The following LIFR variants were observed in gnomAD, a reference collection of about 807,000 sequenced individuals.
LIFR encodes LIF receptor subunit alpha.
A neutral mutation model predicts 122.2 loss-of-function variants in LIFR; 84 were observed. The observed-to-expected ratio is 0.69, with a 90% CI of 0.58 to 0.82. LIFR has a LOEUF of 0.82. Ranked by LOEUF, LIFR falls within the 40% of genes least tolerant of loss-of-function variation. The pLI is 0.00. For synonymous variants in LIFR, 422 were observed against 434.7 expected (o/e 0.97, Z 0.36); for missense variants, 1,294 against 1,311.6 (o/e 0.99, Z 0.21).
At chr5:38,508,966 A>G (rs1745647465) in intron 7 of LIFR, among the ~76,000 whole-genome samples, 1 of 152,156 alleles carries the variant, frequency 6.6e-6, no homozygotes, top group Admixed American at 6.5e-5. Context: ...CCTGATACCT[A>G]ACTCACGAAA....
intron 11 of LIFR, among the ~76,000 whole-genome samples, chr5:38,502,017 A>C (rs1000103470): frequency 4.0e-5 from 6 of 151,722 alleles, no homozygotes; most frequent in Non-Finnish European, 8.8e-5. Context: ...ATGAGTTAAA[A>C]GCATAATTAA....
chr5:38,503,248 A>C (rs1339134318), intron 10 of LIFR, among the ~76,000 whole-genome samples: 1 of 152,194 alleles, frequency 6.6e-6, no homozygotes, highest in Non-Finnish European at 1.5e-5. Flanking sequence ...CCTTTTGTGC[A>C]TCTTTGTTAA....
chr5:38,480,962 AC>A lies in LIFR; in HGVS notation c.*632del. On this transcript the variant is annotated 3_prime_UTR_variant, in exon 20 of 20. Transcript: ENST00000453190. ...TGTCACACTTGTTTTCAAAGTTTGT[AC>A]CCCTGAGACAACTGTTTGATAACCA... 1 of 221,408 alleles carries A rather than the reference AC, an allele frequency of 4.5e-6. No homozygotes were observed. Among genetic ancestry groups the A allele is most frequent in the East Asian group, 6.7e-5 (1 of 14,992 alleles). The allele number at this position is 221,408 out of a possible 1,614,324, so 13.7% of individuals were successfully genotyped here.
intron 19 of LIFR, 139 bp from the exon 20 acceptor site, chr5:38,482,357 C>T: frequency 2.6e-6 from 2 of 779,220 alleles, no homozygotes; most frequent in South Asian, 2.1e-5. Flanking sequence ...CACAACAGCA[C>T]AGCCACTTTT....
At chr5:38,495,143 T>A (rs2112424581) in intron 13 of LIFR, among the ~76,000 whole-genome samples, 1 of 152,280 alleles carries the variant, frequency 6.6e-6, no homozygotes, top group East Asian at 1.9e-4. Flanking sequence ...GAGGATTTGT[T>A]CTGGGGTTTC....
At position 38,489,229 on chromosome 5, in the gene LIFR, T is replaced by C; in HGVS notation, c.2184A>G (p.Pro728=). The change falls in exon 16 of 20, where the codon CCA becomes CCG. Residue 728 remains proline, a synonymous_variant. Transcript: ENST00000453190. The part of the protein sequence containing the change: ...YIEELAPIVA[P]NFTVEDTSAD... ...CAGAAGTATCCTCAACAGTAAAATT[T>C]GGTGCAACAATGGGAGCTGTAAAAG... is the stretch of plus-strand genomic sequence containing the variant. The C allele has an allele frequency of 6.2e-7, 1 of 1,612,914 alleles. No homozygotes were observed.
At chr5:38,500,226 C>T (rs1488027936) in intron 11 of LIFR, among the ~76,000 whole-genome samples, 1 of 152,064 alleles carries the variant, frequency 6.6e-6, no homozygotes, top group East Asian at 1.9e-4. Flanking sequence ...TATTTCTAGT[C>T]CTGGATCCTA....
chr5:38,583,585 A>G (rs1367121237), intron 1 of LIFR, among the ~76,000 whole-genome samples: 1 of 152,262 alleles, frequency 6.6e-6, no homozygotes, highest in African/African-American at 2.4e-5. Flanking sequence ...AAATTTATAA[A>G]GAACATTTAT....
chr5:38,490,291 T>C lies in LIFR; in HGVS notation c.2066A>G (p.Asp689Gly), dbSNP rs369344580. The change falls in exon 15 of 20, where the codon GAT (aspartate) becomes GGT (glycine). Residue 689 changes from aspartate (D) to glycine (G), a missense_variant and splice_region_variant. By Grantham distance (94) the Asp-to-Gly change is moderately conservative. Transcript: ENST00000453190. ...SNSTETVIES[D>G]EFRPGIRYNF... ...ATATCTTATACCTGGTCGAAACTCA[T>C]CTATAGGATGAACATATCAGCAAAC... The C allele has an allele frequency of 7.3e-7, 1 of 1,375,886 alleles. No homozygotes were observed. The highest frequency in any genetic ancestry group is 1.0e-6 in the Non-Finnish European group (1 of 967,650). The allele number at this position is 1,375,886 out of a possible 1,614,324, so 85.2% of individuals were successfully genotyped here.
chr5:38,508,564 G>A (rs1053505570), intron 7 of LIFR, among the ~76,000 whole-genome samples: 2 of 151,544 alleles, frequency 1.3e-5, no homozygotes, highest in East Asian at 2.0e-4. Flanking sequence ...CTAACAAGCC[G>A]ATTATAAATT....
At chr5:38,546,983 A>T (rs1747928301) in intron 1 of LIFR, among the ~76,000 whole-genome samples, 1 of 152,206 alleles carries the variant, frequency 6.6e-6, no homozygotes, top group African/African-American at 2.4e-5. Context: ...ATGTCAACAC[A>T]GCTTGGTTGC....
chr5:38,553,476 G>A (rs901863499), intron 1 of LIFR, among the ~76,000 whole-genome samples: 2 of 151,206 alleles, frequency 1.3e-5, no homozygotes, highest in African/African-American at 2.4e-5. Flanking sequence ...TTAGTCCCTA[G>A]AAAGTTGTCT....
intron 1 of LIFR, among the ~76,000 whole-genome samples, chr5:38,593,680 T>C (rs766952470): frequency 6.6e-6 from 1 of 152,178 alleles, no homozygotes; most frequent in African/African-American, 2.4e-5. Flanking sequence ...TAACCCTTAA[T>C]GTGATGGCAT....
Position 38,481,343 on chromosome 5 carries a change from G to A in LIFR, c.*252C>T, listed in dbSNP as rs1207109793. 5 of 552,886 alleles carry A rather than the reference G, an allele frequency of 9.0e-6. No homozygotes were observed. Among genetic ancestry groups the A allele is most frequent in the Non-Finnish European group, 1.3e-5 (4 of 308,236 alleles). 34.2% of individuals were successfully genotyped at this position (552,886 alleles called of 1,614,324 possible). ...AATGCTTCTTGAAGGTAGAGTACATGAGAATTCTTTGGCTTGATCACAAAG... is the reference window on the plus strand; with the variant it reads ...AATGCTTCTTGAAGGTAGAGTACATAAGAATTCTTTGGCTTGATCACAAAG... On this transcript the variant is annotated 3_prime_UTR_variant, in exon 20 of 20. Transcript: ENST00000453190.
chr5:38,602,796 A>G (rs1284165678), intron 2 of LIFR, among the ~76,000 whole-genome samples: 1 of 152,154 alleles, frequency 6.6e-6, no homozygotes, highest in East Asian at 1.9e-4. Context: ...TGATGGTTCG[A>G]CAATTATCAC....
At position 38,582,559 on chromosome 5, in the gene LIFR, C is replaced by T. The variant is rs114719798; in HGVS notation, c.-20+12702G>A. 5.4e-3 allele frequency among the ~76,000 whole-genome samples: 827 copies of T among 152,226 alleles called. 4 individuals are homozygous for T. The highest frequency in any genetic ancestry group is 0.018 in the African/African-American group (737 of 41,544). ...AATATTCAAATTAAAATAAATTATGCACATATAGTGTTTGTTAAAACTTTG... is the reference window on the plus strand; with the variant it reads ...AATATTCAAATTAAAATAAATTATGTACATATAGTGTTTGTTAAAACTTTG... On this transcript the variant is annotated intron_variant, in intron 1 of 19. Coordinates refer to the LIFR transcript ENST00000263409.
intron 5 of LIFR, among the ~76,000 whole-genome samples, chr5:38,518,848 C>T (rs1052967950): frequency 6.6e-6 from 1 of 152,154 alleles, no homozygotes. Flanking sequence ...GCCCCGAAGA[C>T]CTTCCAGTGG....
rs374242746 is a variant in LIFR at position 38,530,553 on chromosome 5, G to A, written c.95C>T (p.Thr32Ile). Residue 32 changes from threonine (T) to isoleucine (I), a missense_variant, in exon 2 of 20, where the codon ACA (threonine) becomes ATA (isoleucine). By Grantham distance (89) the Thr-to-Ile change is moderately conservative. Coordinates refer to ENST00000453190, the MANE Select transcript of LIFR (RefSeq NM_001127671.2). ...TASNFQWLLS[T>I]FILLYLMNQV... Reference sequence around the variant, plus strand: ...ATTCATTAGATATAGAAGAATAAATGTTGATAACAGCCACTGGAAATTTGA... The same window carrying A: ...ATTCATTAGATATAGAAGAATAAATATTGATAACAGCCACTGGAAATTTGA... 6.2e-7 allele frequency: 1 copy of A among 1,612,912 alleles called. No homozygotes were observed. The highest frequency in any genetic ancestry group is 1.1e-5 in the South Asian group (1 of 91,050).
At chr5:38,585,990 G>A (rs1431209053) in intron 1 of LIFR, among the ~76,000 whole-genome samples, 1 of 151,776 alleles carries the variant, frequency 6.6e-6, no homozygotes, top group Non-Finnish European at 1.5e-5. Context: ...GGGCTAATAG[G>A]AAGCAACTAA....
Sources: gnomAD v4.1 joint callset for allele counts (sites outside exome capture counted in the v4.1 genomes callset) on GRCh38, gnomAD v4.1.1 for gene constraint, MANE v1.5 for transcripts, NCBI Gene and HGNC (gene_info 2026-07-23, HGNC 2026-07-21) for gene names.